The following PRKRIP1 variants were observed in gnomAD, a reference collection of about 807,000 sequenced individuals.
PRKRIP1 encodes the protein PRKR interacting protein 1, also known as PRKR-interacting protein 1.
A neutral mutation model predicts 29.3 loss-of-function variants in PRKRIP1; 29 were observed. The observed-to-expected ratio is 0.99, with a 90% CI of 0.74 to 1.35. The LOEUF (loss-of-function observed/expected upper bound fraction) is 1.35. PRKRIP1 is among the 40% of genes most tolerant of loss of function. The pLI is 0.00. For missense variants in PRKRIP1, 247 were observed against 236.8 expected, an observed-to-expected ratio of 1.04 and a Z score of -0.28; for synonymous variants, 90 against 85.1, an observed-to-expected ratio of 1.06 and a Z score of -0.32.
intron 5 of PRKRIP1, among the ~76,000 whole-genome samples, chr7:102,411,937 T>TTTTGTTTG (rs141698178): frequency 6.6e-6 from 1 of 151,100 alleles, no homozygotes; most frequent in Non-Finnish European, 1.5e-5. Context: ...GTTGTTGTTG[T>TTTTGTTTG]TTTGTTTGTT....
At chr7:102,414,901 A>T (rs1489441427) in intron 5 of PRKRIP1, among the ~76,000 whole-genome samples, 12 of 148,608 alleles carry the variant, frequency 8.1e-5, no homozygotes, top group South Asian at 6.2e-4. Flanking sequence ...GGAAAAAAAA[A>T]ATAATAATAA....
chr7:102,425,387 G>A lies in PRKRIP1; in HGVS notation c.*276G>A, dbSNP rs781903062. On this transcript the variant is annotated 3_prime_UTR_variant, in exon 6 of 6. Coordinates refer to ENST00000397912, the MANE Select transcript of PRKRIP1 (RefSeq NM_024653.4). Reference sequence around the variant, plus strand: ...TCACCTTGCCACATATTTGAACAGTGATGAGTTTGGGGCTGGTTTCTGGGA... The same window carrying A: ...TCACCTTGCCACATATTTGAACAGTAATGAGTTTGGGGCTGGTTTCTGGGA... 2.1e-5 allele frequency: 11 copies of A among 515,612 alleles called. No individual in the cohort carries two copies. The highest frequency in any genetic ancestry group is 3.7e-5 in the Non-Finnish European group (11 of 295,008). The allele number at this position is 515,612 out of a possible 1,614,324, so 31.9% of individuals were successfully genotyped here.
chr7:102,412,238 G>T (rs1481075710), intron 5 of PRKRIP1, among the ~76,000 whole-genome samples: 1 of 152,176 alleles, frequency 6.6e-6, no homozygotes, highest in Non-Finnish European at 1.5e-5. Context: ...GGGAAGAATA[G>T]AGTGTTCTAA....
At chr7:102,421,363 GTTGAGACCT>G (rs1796687224) in intron 5 of PRKRIP1, among the ~76,000 whole-genome samples, 1 of 151,956 alleles carries the variant, frequency 6.6e-6, no homozygotes, top group African/African-American at 2.4e-5. Context: ...GGGCAACATG[GTTGAGACCT>G]CGTCTCTACA....
At chr7:102,410,978 T>G (rs190557176) in intron 5 of PRKRIP1, among the ~76,000 whole-genome samples, 1 of 152,200 alleles carries the variant, frequency 6.6e-6, no homozygotes, top group Non-Finnish European at 1.5e-5. Flanking sequence ...CAGGCTGGAG[T>G]GCAGCAGTGC....
intron 5 of PRKRIP1, chr7:102,422,949 A>G (rs1426429278): frequency 3.2e-6 from 1 of 308,890 alleles, no homozygotes. Flanking sequence ...TCTGAAACAC[A>G]TTTGGTCCCG....
intron 4 of PRKRIP1, among the ~76,000 whole-genome samples, chr7:102,405,286 T>C (rs1410295743): frequency 1.3e-5 from 2 of 152,230 alleles, no homozygotes; most frequent in East Asian, 3.8e-4. Context: ...TTTCTTAAAT[T>C]ACGGTTTATG....
At chr7:102,423,961 T>C (rs1796771789) in intron 5 of PRKRIP1, among the ~76,000 whole-genome samples, 1 of 152,240 alleles carries the variant, frequency 6.6e-6, no homozygotes, top group Non-Finnish European at 1.5e-5. Context: ...TGCACCCGGC[T>C]TCCCCGTTTG....
At chr7:102,420,708 T>G (rs782740606) in intron 5 of PRKRIP1, among the ~76,000 whole-genome samples, 2 of 152,114 alleles carry the variant, frequency 1.3e-5, no homozygotes, top group African/African-American at 2.4e-5. Flanking sequence ...GAGATACAGG[T>G]TGAGCATCCC....
intron 5 of PRKRIP1, among the ~76,000 whole-genome samples, chr7:102,417,575 G>C (rs1417416385): frequency 1.4e-5 from 2 of 147,654 alleles, no homozygotes; most frequent in Non-Finnish European, 3.0e-5. Context: ...AGCTCTTTCA[G>C]TTGGCTCCTG....
At chr7:102,401,470 A>G (rs947217339) in intron 3 of PRKRIP1, among the ~76,000 whole-genome samples, 2 of 152,240 alleles carry the variant, frequency 1.3e-5, no homozygotes, top group African/African-American at 4.8e-5. Flanking sequence ...GTGGTGGCTC[A>G]TGCCTGTAAT....
At chr7:102,404,304 G>A (rs969086567) in intron 3 of PRKRIP1, 6 of 258,446 alleles carry the variant, frequency 2.3e-5, no homozygotes, top group East Asian at 2.2e-4. Context: ...GATGGTGAGC[G>A]CTGCCCTCAG....
chr7:102,425,339 C>A lies in PRKRIP1; in HGVS notation c.*228C>A. On this transcript the variant is annotated 3_prime_UTR_variant, in exon 6 of 6. Transcript: ENST00000397912. ...TGCCTTGCAGACACCATCCGTGCTC[C>A]TGGTAAAGGGGGACAGAGAGCCTCA... 1 of 786,770 alleles carries A rather than the reference C, an allele frequency of 1.3e-6. No individual in the cohort carries two copies. Among genetic ancestry groups the A allele is most frequent in the Non-Finnish European group, 2.0e-6 (1 of 507,730 alleles). 48.7% of individuals were successfully genotyped at this position (786,770 alleles called of 1,614,324 possible).
At chr7:102,404,346 C>T (rs1182562735) in intron 3 of PRKRIP1, 1 of 411,830 alleles carries the variant, frequency 2.4e-6, no homozygotes, top group South Asian at 3.5e-5. Context: ...TGTATTGTCT[C>T]CTATATTGTG....
At chr7:102,412,966 C>A (rs1198457132) in intron 5 of PRKRIP1, among the ~76,000 whole-genome samples, 8 of 152,190 alleles carry the variant, frequency 5.3e-5, no homozygotes, top group African/African-American at 1.9e-4. Context: ...TATTCCCACA[C>A]CACTCTTACT....
intron 4 of PRKRIP1, among the ~76,000 whole-genome samples, chr7:102,406,558 T>C (rs574807734): frequency 8.5e-5 from 13 of 152,290 alleles, no homozygotes; most frequent in African/African-American, 2.9e-4. Flanking sequence ...CGATTCTGAG[T>C]TCTTTGGCCC....
At chr7:102,396,647 G>C (rs1795907278) in intron 1 of PRKRIP1, 110 bp downstream of exon 1, 1 of 1,203,772 alleles carries the variant, frequency 8.3e-7, no homozygotes, top group African/African-American at 1.6e-5. Flanking sequence ...CAGAAACTCA[G>C]TATCCGACCC....
chr7:102,401,970 C>T (rs1586676054), intron 3 of PRKRIP1, among the ~76,000 whole-genome samples: 1 of 152,186 alleles, frequency 6.6e-6, no homozygotes, highest in Non-Finnish European at 1.5e-5. Flanking sequence ...TGGCTGTCAA[C>T]TGATACTTGC....
At chr7:102,409,738 C>T (rs567646754) in intron 5 of PRKRIP1, among the ~76,000 whole-genome samples, 8 of 151,988 alleles carry the variant, frequency 5.3e-5, no homozygotes, top group Middle Eastern at 3.4e-3. Flanking sequence ...GCAGGAGAGT[C>T]GCCTGAGCCC....
Sources: gnomAD v4.1 joint callset for allele counts (sites outside exome capture counted in the v4.1 genomes callset) on GRCh38, gnomAD v4.1.1 for gene constraint, MANE v1.5 for transcripts, NCBI Gene and HGNC (gene_info 2026-07-23, HGNC 2026-07-21) for gene names.